Variants in ARHGAP10 observed in about 807,000 individuals in gnomAD.
The protein encoded by ARHGAP10 is rho GTPase-activating protein 10.
A neutral mutation model predicts 108.6 loss-of-function variants in ARHGAP10; 87 were observed. The ratio of observed to expected loss-of-function variants is 0.80; its 90% CI spans 0.67 to 0.96. The LOEUF (loss-of-function observed/expected upper bound fraction) is 0.96, where lower values mean the gene tolerates loss of function less well. Among genes scored for constraint, ARHGAP10 ranks in the 40% least tolerant of loss-of-function variants. The pLI is 0.00. For synonymous variants in ARHGAP10, 347 were observed against 341.1 expected, an observed-to-expected ratio of 1.02 and a Z score of -0.19; for missense variants, 939 against 954.5, an observed-to-expected ratio of 0.98 and a Z score of 0.21.
At chr4:147,770,745 C>G (rs1005469609) in intron 1 of ARHGAP10, among the ~76,000 whole-genome samples, 1 of 152,192 alleles carries the variant, frequency 6.6e-6, no homozygotes, top group African/African-American at 2.4e-5. Context: ...AGTTACTTAG[C>G]CCATCTGAGC....
At chr4:147,790,036 C>T (rs1338165812) in intron 1 of ARHGAP10, among the ~76,000 whole-genome samples, 1 of 141,596 alleles carries the variant, frequency 7.1e-6, no homozygotes, top group Non-Finnish European at 1.5e-5. Context: ...TCTCTTAGCT[C>T]AGGCTGCCAT....
Position 147,864,731 on chromosome 4 carries a change from CA to C in ARHGAP10, c.487-111del, listed in dbSNP as rs1734478161. 9.0e-6 allele frequency: 7 copies of C among 776,132 alleles called. No homozygotes were observed. The South Asian group carries it at 1.3e-4, about 14-fold the overall frequency. The allele number at this position is 776,132 out of a possible 1,614,324, so 48.1% of individuals were successfully genotyped here. A position where few individuals can be genotyped will look rare whatever the true frequency, so the allele number is the denominator to read the frequency against. On this transcript the variant is annotated intron_variant, in intron 5 of 22. Transcript: ENST00000336498. The stretch of plus-strand genomic sequence containing the variant: ...TACCTGTGTTGCAATACTTTATTTA[CA>C]AAATCAGGCAGCACACCGTATTTTG...
At chr4:147,749,316 A>C (rs1432533291) in intron 1 of ARHGAP10, among the ~76,000 whole-genome samples, 2 of 152,248 alleles carry the variant, frequency 1.3e-5, no homozygotes, top group African/African-American at 4.8e-5. Flanking sequence ...CTTAATATTT[A>C]TAACACCTTA....
At chr4:147,868,541 T>C (rs910261502) in intron 7 of ARHGAP10, among the ~76,000 whole-genome samples, 2 of 152,166 alleles carry the variant, frequency 1.3e-5, no homozygotes, top group African/African-American at 4.8e-5. Flanking sequence ...TGGCTGATGT[T>C]GAGATTATTC....
chr4:147,815,455 A>C (rs1197334763), intron 1 of ARHGAP10, among the ~76,000 whole-genome samples: 4 of 151,802 alleles, frequency 2.6e-5, no homozygotes, highest in Non-Finnish European at 4.4e-5. Context: ...AAAGACCCTG[A>C]GATTATTGGC....
chr4:147,898,409 GTCTT>G (rs1345892720), intron 10 of ARHGAP10, among the ~76,000 whole-genome samples: 11 of 151,100 alleles, frequency 7.3e-5, no homozygotes, highest in African/African-American at 2.7e-4. Flanking sequence ...CTCCTCTGTT[GTCTT>G]TCTCTCTTGC....
chr4:148,055,111 G>A (rs779046244), intron 20 of ARHGAP10, among the ~76,000 whole-genome samples: 6 of 152,228 alleles, frequency 3.9e-5, no homozygotes, highest in Non-Finnish European at 8.8e-5. Context: ...GATTCAAGGA[G>A]AACTCTTTGA....
chr4:147,932,692 A>G (rs1042396507), intron 13 of ARHGAP10, among the ~76,000 whole-genome samples: 2 of 152,124 alleles, frequency 1.3e-5, no homozygotes, highest in Non-Finnish European at 2.9e-5. Flanking sequence ...AAGAATAGCT[A>G]ATGGATGCTG....
At position 147,732,340 on chromosome 4, in the gene ARHGAP10, C is replaced by G; in HGVS notation, c.39C>G (p.Leu13=). The change falls in exon 1 of 23, where the codon CTC becomes CTG. Residue 13 remains leucine, a synonymous_variant. Transcript: ENST00000336498. ...LQPLEFSDCY[L]DSPWFRERIR... ...CCCTGGAGTTCAGCGACTGCTACCT[C>G]GACAGCCCGTGGTTCCGGGAGAGGA... The G allele has an allele frequency of 1.2e-6, 2 of 1,613,224 alleles. No individual in the cohort carries two copies. The highest frequency in any genetic ancestry group is 1.7e-6 in the Non-Finnish European group (2 of 1,179,584).
chr4:147,906,619 T>C lies in ARHGAP10; in HGVS notation c.1035-19T>C, dbSNP rs1296312699. 6 of 1,612,936 alleles carry C rather than the reference T, an allele frequency of 3.7e-6. No homozygotes were observed. The highest frequency in any genetic ancestry group is 1.7e-5 in the Admixed American group (1 of 59,992). On this transcript the variant is annotated intron_variant, in intron 10 of 22. Coordinates refer to ENST00000336498, the MANE Select transcript of ARHGAP10 (RefSeq NM_024605.4). ...TTAGTGGCCAAGGGGTAACCTGATA[T>C]GTTACTGGTGTCTTTCAGGCCTGGC...
intron 1 of ARHGAP10, among the ~76,000 whole-genome samples, chr4:147,768,414 A>C (rs574340142): frequency 6.6e-6 from 1 of 152,264 alleles, no homozygotes; most frequent in Non-Finnish European, 1.5e-5. Flanking sequence ...AAATAATTCT[A>C]AAGATTCCGC....
At chr4:147,793,399 C>A (rs1731199342) in intron 1 of ARHGAP10, among the ~76,000 whole-genome samples, 1 of 150,292 alleles carries the variant, frequency 6.7e-6, no homozygotes, top group Non-Finnish European at 1.5e-5. Context: ...GAAGAAAGAA[C>A]AGAATTTCAG....
At chr4:148,038,033 A>G (rs576022779) in intron 19 of ARHGAP10, among the ~76,000 whole-genome samples, 135 of 152,252 alleles carry the variant, frequency 8.9e-4, no homozygotes, top group African/African-American at 2.9e-3. Context: ...AAGTCCAAAA[A>G]CATTTGAACT....
At chr4:147,914,574 T>TG (rs1736886637) in intron 13 of ARHGAP10, among the ~76,000 whole-genome samples, 7 of 69,702 alleles carry the variant, frequency 1.0e-4, no homozygotes, top group African/African-American at 3.5e-4. Flanking sequence ...CCCCCTTTTT[T>TG]TTTTTAACAT....
At chr4:147,791,800 G>A (rs537200587) in intron 1 of ARHGAP10, among the ~76,000 whole-genome samples, 2 of 152,188 alleles carry the variant, frequency 1.3e-5, no homozygotes, top group East Asian at 1.9e-4. Context: ...GGCCAGGCTC[G>A]TCTCGAACTC....
intron 18 of ARHGAP10, among the ~76,000 whole-genome samples, chr4:147,968,823 C>T (rs142400800): frequency 4.2e-4 from 64 of 152,180 alleles, no homozygotes; most frequent in African/African-American, 1.5e-3. Flanking sequence ...GCATCATATG[C>T]CAGACATGTA....
chr4:147,927,583 CAG>C (rs1291198632), intron 13 of ARHGAP10, among the ~76,000 whole-genome samples: 6 of 152,178 alleles, frequency 3.9e-5, no homozygotes, highest in African/African-American at 1.4e-4. Context: ...CATGTGGTAT[CAG>C]AGGCCAGAAC....
chr4:147,953,073 AT>A lies in ARHGAP10; in HGVS notation c.1392-2233del, dbSNP rs564990198. Among the ~76,000 whole-genome samples, 177 of 149,332 alleles carry A rather than the reference AT, an allele frequency of 1.2e-3. No homozygotes were observed. In the East Asian group the frequency reaches 0.015, roughly 13 times the overall value. ...TCTTTTCATTTGGTGAAGTACATTG[AT>A]TTTTTTTTTAGATATTATGCTAGTA... On this transcript the variant is annotated intron_variant, in intron 15 of 22. Transcript: ENST00000336498.
intron 18 of ARHGAP10, among the ~76,000 whole-genome samples, chr4:148,002,470 A>T (rs1297906191): frequency 6.6e-6 from 1 of 152,200 alleles, no homozygotes; most frequent in Non-Finnish European, 1.5e-5. Flanking sequence ...ATTGATTGGC[A>T]TAGTTTCAGA....
Sources: allele counts gnomAD v4.1 joint callset (sites outside exome capture counted in the v4.1 genomes callset), GRCh38; gene constraint gnomAD v4.1.1; transcripts MANE v1.5; gene names NCBI Gene and HGNC (gene_info 2026-07-23, HGNC 2026-07-21).